Variants in THSD7A observed in about 807,000 individuals in gnomAD.
THSD7A encodes thrombospondin type-1 domain-containing protein 7A.
THSD7A carries 96 observed loss-of-function variants against 231.3 expected under a neutral mutation model. The ratio of observed to expected loss-of-function variants is 0.41; its 90% CI spans 0.35 to 0.49. The LOEUF (loss-of-function observed/expected upper bound fraction) is 0.49. THSD7A is among the 20% of genes least tolerant of loss of function. The pLI, the probability that THSD7A is intolerant of heterozygous loss-of-function variation, is 0.05. For missense variants in THSD7A, 2,290 were observed against 2,070.2 expected (o/e 1.11, Z -2.06); for synonymous variants, 940 against 743.3 (o/e 1.26, Z -4.30).
intron 1 of THSD7A, among the ~76,000 whole-genome samples, chr7:11,744,623 TG>T (rs1318391138): frequency 8.2e-6 from 1 of 122,474 alleles, no homozygotes; most frequent in African/African-American, 3.1e-5. Context: ...CCCCAGTGTG[TG>T]ATGTTCCCAT....
At chr7:11,740,301 CAT>C (rs1228841240) in intron 1 of THSD7A, among the ~76,000 whole-genome samples, 1 of 151,942 alleles carries the variant, frequency 6.6e-6, no homozygotes, top group Non-Finnish European at 1.5e-5. Context: ...GACAGCTGAG[CAT>C]ATCTGACGAG....
chr7:11,820,936 T>C, intron 1 of THSD7A: 1 of 983,236 alleles, frequency 1.0e-6, no homozygotes, highest in Non-Finnish European at 1.6e-6. Flanking sequence ...TGAAGATCTC[T>C]CTCCTTATGT....
intron 1 of THSD7A, among the ~76,000 whole-genome samples, chr7:11,710,744 TTC>T (rs1780927486): frequency 6.6e-6 from 1 of 150,904 alleles, no homozygotes; most frequent in Admixed American, 6.6e-5. Flanking sequence ...ATTTTTAACA[TTC>T]TGTTTGTTAC....
At chr7:11,424,271 G>C (rs1161674998) in intron 16 of THSD7A, among the ~76,000 whole-genome samples, 2 of 152,168 alleles carry the variant, frequency 1.3e-5, no homozygotes, top group Non-Finnish European at 2.9e-5. Flanking sequence ...GTGACACGCA[G>C]GAACCAGCTG....
chr7:11,673,686 G>A (rs1010445561), intron 1 of THSD7A, among the ~76,000 whole-genome samples: 41 of 152,130 alleles, frequency 2.7e-4, no homozygotes, highest in African/African-American at 8.7e-4. Flanking sequence ...GCTGGCATGG[G>A]AGCAGGATGC....
Position 11,372,189 on chromosome 7 carries a change from G to A in THSD7A, c.*3605C>T, listed in dbSNP as rs1209014695. On this transcript the variant is annotated 3_prime_UTR_variant, in exon 28 of 28. Transcript: ENST00000423059. ...TCCTAATACTGTGGCCTAAAGACATGTACATTACGTAGGGGAAAATACTAA... is the reference window on the plus strand; with the variant it reads ...TCCTAATACTGTGGCCTAAAGACATATACATTACGTAGGGGAAAATACTAA... 6.6e-6 allele frequency: 1 copy of A among 152,076 alleles called. No individual in the cohort carries two copies. The highest frequency in any genetic ancestry group is 1.5e-5 in the Non-Finnish European group (1 of 68,016). The allele number at this position is 152,076 out of a possible 1,614,324, so 9.4% of individuals were successfully genotyped here.
chr7:11,544,067 G>A (rs534773339), intron 4 of THSD7A, among the ~76,000 whole-genome samples: 13 of 152,148 alleles, frequency 8.5e-5, no homozygotes, highest in Admixed American at 3.9e-4. Flanking sequence ...TACATGGCCA[G>A]GCACGGTGGT....
chr7:11,601,185 T>C (rs1429663516), intron 2 of THSD7A, among the ~76,000 whole-genome samples: 1 of 152,214 alleles, frequency 6.6e-6, no homozygotes, highest in Non-Finnish European at 1.5e-5. Context: ...TTTTTCGTAT[T>C]CATATGTATA....
chr7:11,677,482 G>C (rs1016298304), intron 1 of THSD7A, among the ~76,000 whole-genome samples: 5 of 146,142 alleles, frequency 3.4e-5, no homozygotes, highest in African/African-American at 1.3e-4. Flanking sequence ...AAAGAGTCAA[G>C]ACCCATCAGT....
At chr7:11,705,902 G>A (rs1046379290) in intron 1 of THSD7A, among the ~76,000 whole-genome samples, 5 of 150,830 alleles carry the variant, frequency 3.3e-5, no homozygotes, top group Admixed American at 6.6e-5. Flanking sequence ...CCTTAATGTA[G>A]GTTGTTTGAA....
At chr7:11,790,561 C>T (rs191739656) in intron 1 of THSD7A, among the ~76,000 whole-genome samples, 166 of 151,962 alleles carry the variant, frequency 1.1e-3, no homozygotes, top group Non-Finnish European at 1.9e-3. Context: ...TTGAAAACTA[C>T]GTTAAAAAGA....
At chr7:11,720,849 C>T (rs1415274077) in intron 1 of THSD7A, among the ~76,000 whole-genome samples, 1 of 151,612 alleles carries the variant, frequency 6.6e-6, no homozygotes, top group African/African-American at 2.4e-5. Flanking sequence ...ATAGTTTTGA[C>T]TTTTACCACT....
At chr7:11,445,953 T>G in intron 13 of THSD7A, 108 bp downstream of exon 13, 2 of 1,355,362 alleles carry the variant, frequency 1.5e-6, no homozygotes, top group South Asian at 2.6e-5. Flanking sequence ...AGAGTTTAAT[T>G]TAGAATATAC....
In THSD7A at chr7:11,406,455, C is replaced by A. The variant is rs1783585393; in HGVS notation, c.4082G>T (p.Gly1361Val). ...ACAAGAAATGTTCCTTGTTCTGGTC[C>A]CTTCTCCACACTGGGCCTCCTGGAA... ...CQVQEAQCGEGTRTRNISCVV... is the reference protein window; with the variant it reads ...CQVQEAQCGEVTRTRNISCVV... Residue 1361 changes from glycine (G) to valine (V), a missense_variant, in exon 22 of 28, where the codon GGG becomes GTG. Coordinates refer to ENST00000423059, the MANE Select transcript of THSD7A (RefSeq NM_015204.3). This position sits in a 1 kb window ranked among gnomAD's most constrained non-coding sequence, Gnocchi z 4.7. 6.2e-7 allele frequency: 1 copy of A among 1,611,920 alleles called. No homozygotes were observed.
chr7:11,617,880 T>TAATGTAAATGACAAGTTAATGGGTGC (rs2128351749), intron 2 of THSD7A, among the ~76,000 whole-genome samples: 1 of 152,224 alleles, frequency 6.6e-6, no homozygotes, highest in South Asian at 2.1e-4. Flanking sequence ...GATATATACC[T>TAATGTAAATGACAAGTTAATGGGTGC]AATGTAAATG....
intron 1 of THSD7A, among the ~76,000 whole-genome samples, chr7:11,746,802 T>C (rs1485941084): frequency 6.6e-6 from 1 of 151,858 alleles, no homozygotes; most frequent in African/African-American, 2.4e-5. Context: ...AAATACAGTT[T>C]ATACTCTAGA....
intron 1 of THSD7A, among the ~76,000 whole-genome samples, chr7:11,799,216 C>T (rs990278820): frequency 2.0e-5 from 3 of 152,050 alleles, no homozygotes; most frequent in Non-Finnish European, 2.9e-5. Context: ...CCACCGCGCC[C>T]GGCCTTACCA....
chr7:11,511,219 C>T (rs951415085), intron 6 of THSD7A, among the ~76,000 whole-genome samples: 2 of 152,154 alleles, frequency 1.3e-5, no homozygotes, highest in African/African-American at 2.4e-5. Flanking sequence ...AGGAATCCAA[C>T]TTACAAGGGA....
At chr7:11,818,451 C>T (rs757957681) in intron 1 of THSD7A, among the ~76,000 whole-genome samples, 4 of 152,166 alleles carry the variant, frequency 2.6e-5, no homozygotes, top group Non-Finnish European at 5.9e-5. Flanking sequence ...TTCCTGAGGG[C>T]GCTCAACAAT....
Sources: gnomAD v4.1 joint callset for allele counts (sites outside exome capture counted in the v4.1 genomes callset) on GRCh38, gnomAD v4.1.1 for gene constraint, Gnocchi (gnomAD v3.1) non-coding constraint, MANE v1.5 for transcripts, NCBI Gene and HGNC (gene_info 2026-07-23, HGNC 2026-07-21) for gene names.